NARS2: variants seen among roughly 807,000 people sequenced by gnomAD.
NARS2 encodes the protein asparaginyl-tRNA synthetase.
In NARS2, 60 loss-of-function variants were observed where a neutral mutation model predicts 62.9. The observed-to-expected ratio is 0.95, with a 90% CI of 0.77 to 1.18. The LOEUF (loss-of-function observed/expected upper bound fraction) is 1.18, where lower values mean the gene tolerates loss of function less well. Among genes scored for constraint, NARS2 ranks in the 50% most tolerant of loss-of-function variants. The probability of loss-of-function intolerance (pLI) is 0.00; values close to 1 mark genes in which losing one functional copy is unlikely to be tolerated. For synonymous variants in NARS2, 196 were observed against 200.0 expected, an observed-to-expected ratio of 0.98 and a Z score of 0.17; for missense variants, 619 against 576.4, an observed-to-expected ratio of 1.07 and a Z score of -0.76.
intron 13 of NARS2, among the ~76,000 whole-genome samples, chr11:78,439,363 A>T (rs1186065240): frequency 1.3e-5 from 2 of 152,030 alleles, no homozygotes; most frequent in Non-Finnish European, 2.9e-5. Flanking sequence ...TTTTAAGGCT[A>T]GTGGTTTAGC....
At chr11:78,563,963 G>A (rs529557796) in intron 4 of NARS2, among the ~76,000 whole-genome samples, 109 of 136,562 alleles carry the variant, frequency 8.0e-4, no homozygotes, top group African/African-American at 2.7e-3. Context: ...GTGCAGTGGC[G>A]CAGTCTCTAC....
intron 6 of NARS2, among the ~76,000 whole-genome samples, chr11:78,517,081 A>G (rs1231457352): frequency 1.3e-5 from 2 of 152,240 alleles, no homozygotes; most frequent in African/African-American, 4.8e-5. Context: ...AAAACAGCAT[A>G]TGCAAAGGAA....
At chr11:78,524,823 T>A (rs770044206) in intron 6 of NARS2, among the ~76,000 whole-genome samples, 1 of 152,090 alleles carries the variant, frequency 6.6e-6, no homozygotes. Flanking sequence ...GAGAAATAAC[T>A]AATTTTTAGG....
chr11:78,473,524 T>C (rs1227951789), intron 9 of NARS2, among the ~76,000 whole-genome samples: 2 of 152,348 alleles, frequency 1.3e-5, no homozygotes, highest in African/African-American at 4.8e-5. Context: ...TTTGGTTTTA[T>C]ATTGATTTCT....
At chr11:78,511,441 G>T (rs187774827) in intron 6 of NARS2, among the ~76,000 whole-genome samples, 35 of 152,280 alleles carry the variant, frequency 2.3e-4, no homozygotes, top group South Asian at 1.0e-3. Flanking sequence ...AAACAGGCCA[G>T]GCGCAGTGGC....
Position 78,478,653 on chromosome 11 carries a change from T to C in NARS2, c.853A>G (p.Met285Val), listed in dbSNP as rs1470572309. 9.9e-6 allele frequency: 16 copies of C among 1,611,784 alleles called. No homozygotes were observed. The highest frequency in any genetic ancestry group is 1.3e-5 in the Non-Finnish European group (15 of 1,178,718). Residue 285 changes from methionine (M) to valine (V), a missense_variant, in exon 8 of 14, where the codon ATG (methionine) becomes GTG (valine). Met to Val is a conservative substitution (Grantham distance 21). Coordinates refer to ENST00000281038, the MANE Select transcript of NARS2 (RefSeq NM_024678.6). ...TCAGGACATTTTGAGAGAACCATCATTGTTGTAGCCTTGAACAGTTCCTCT... is the reference window on the plus strand; with the variant it reads ...TCAGGACATTTTGAGAGAACCATCACTGTTGTAGCCTTGAACAGTTCCTCT... The part of the protein sequence containing the change: ...VIEELFKATT[M>V]MVLSKCPEDV...
At chr11:78,543,766 C>A (rs892422283) in intron 5 of NARS2, among the ~76,000 whole-genome samples, 2 of 152,086 alleles carry the variant, frequency 1.3e-5, no homozygotes, top group Admixed American at 6.5e-5. Context: ...GGCAGAGAGG[C>A]TCATGGCTGT....
intron 6 of NARS2, among the ~76,000 whole-genome samples, chr11:78,527,723 G>T (rs1319011852): frequency 1.3e-5 from 2 of 152,078 alleles, no homozygotes; most frequent in African/African-American, 2.4e-5. Flanking sequence ...TTCCAGAAAA[G>T]ATTTTTTTAA....
chr11:78,559,692 T>C, intron 4 of NARS2, 73 bp from the exon 5 acceptor site: 3 of 998,496 alleles, frequency 3.0e-6, no homozygotes, highest in South Asian at 2.7e-5. Flanking sequence ...CCTCTTATAG[T>C]ATTAAAATGG....
chr11:78,454,643 T>A (rs779758138), intron 11 of NARS2, among the ~76,000 whole-genome samples: 1 of 151,594 alleles, frequency 6.6e-6, no homozygotes, highest in Admixed American at 6.6e-5. Context: ...TTTTTTAATG[T>A]AGCCTCATTC....
intron 11 of NARS2, among the ~76,000 whole-genome samples, chr11:78,456,045 C>T (rs1858151383): frequency 6.6e-6 from 1 of 152,072 alleles, no homozygotes; most frequent in African/African-American, 2.4e-5. Flanking sequence ...TCTAATCTTA[C>T]AAAGTTAATC....
intron 9 of NARS2, among the ~76,000 whole-genome samples, chr11:78,472,232 A>G (rs1858907665): frequency 1.3e-5 from 2 of 152,220 alleles, no homozygotes; most frequent in Non-Finnish European, 2.9e-5. Context: ...ATAGAAAATA[A>G]TATCTCTTCT....
At chr11:78,554,621 T>G (rs10899554) in intron 5 of NARS2, among the ~76,000 whole-genome samples, 104,043 of 151,650 alleles carry the variant, frequency 0.69, 37,453 homozygotes, top group Non-Finnish European at 0.81. Flanking sequence ...ATACTGATTT[T>G]GTATCCTGCA....
At chr11:78,473,246 C>T (rs1438763650) in intron 9 of NARS2, among the ~76,000 whole-genome samples, 5 of 152,316 alleles carry the variant, frequency 3.3e-5, no homozygotes, top group African/African-American at 9.6e-5. Flanking sequence ...CAACTATCAA[C>T]GTGCCTCTCC....
intron 6 of NARS2, among the ~76,000 whole-genome samples, chr11:78,506,626 C>T (rs1322043041): frequency 1.3e-5 from 2 of 152,194 alleles, no homozygotes; most frequent in East Asian, 3.8e-4. Flanking sequence ...CATTCACCTC[C>T]TGGGCTCAAG....
intron 6 of NARS2, among the ~76,000 whole-genome samples, chr11:78,521,465 G>A (rs1048603301): frequency 2.5e-4 from 38 of 152,140 alleles, no homozygotes; most frequent in East Asian, 1.4e-3. Flanking sequence ...AAGCCACTGC[G>A]CCAGGCCTGT....
At chr11:78,465,338 G>A (rs906872344) in intron 11 of NARS2, among the ~76,000 whole-genome samples, 4 of 152,272 alleles carry the variant, frequency 2.6e-5, no homozygotes, top group Non-Finnish European at 5.9e-5. Context: ...GGCCAGCCCA[G>A]AAAGGGGCTC....
chr11:78,445,013 G>T (rs1024708708), intron 11 of NARS2, among the ~76,000 whole-genome samples: 1 of 152,066 alleles, frequency 6.6e-6, no homozygotes, highest in Non-Finnish European at 1.5e-5. Context: ...CATTACTTAT[G>T]ACAAAAAGTT....
Position 78,469,940 on chromosome 11 carries a change from G to T in NARS2, c.960-627C>A, listed in dbSNP as rs116695580. Among the ~76,000 whole-genome samples the T allele has an allele frequency of 5.0e-3, 765 of 152,282 alleles. 4 individuals are homozygous for T. The highest frequency in any genetic ancestry group is 0.015 in the African/African-American group (641 of 41,564). On this transcript the variant is annotated intron_variant, in intron 9 of 13. Transcript: ENST00000281038. ...AAGTTTGTGACATTTGAACAGAAGC[G>T]TGCACCGAGTAAGGAAATGAACCAT...
Sources: gnomAD v4.1 joint callset for allele counts (sites outside exome capture counted in the v4.1 genomes callset) on GRCh38, gnomAD v4.1.1 for gene constraint, MANE v1.5 for transcripts, NCBI Gene and HGNC (gene_info 2026-07-23, HGNC 2026-07-21) for gene names.